Variants in ELK4 observed in about 807,000 individuals in gnomAD.
ELK4 encodes the protein ETS domain-containing protein Elk-4.
ELK4 carries 16 observed loss-of-function variants against 29.6 expected under a neutral mutation model. The ratio of observed to expected loss-of-function variants is 0.54; its 90% CI spans 0.37 to 0.82. The LOEUF (loss-of-function observed/expected upper bound fraction) is 0.82, where lower values mean the gene tolerates loss of function less well. Ranked by LOEUF, ELK4 falls within the 40% of genes least tolerant of loss-of-function variation. The pLI is 0.00. For synonymous variants in ELK4, 213 were observed against 191.1 expected (o/e 1.11, Z -0.95); for missense variants, 465 against 507.1 (o/e 0.92, Z 0.80).
chr1:205,620,381 A>C lies in ELK4; in HGVS notation c.665T>G (p.Ile222Ser). 6.2e-7 allele frequency: 1 copy of C among 1,614,168 alleles called. No individual in the cohort carries two copies. The highest frequency in any genetic ancestry group is 8.5e-7 in the Non-Finnish European group (1 of 1,180,038). The change falls in exon 3 of 5, where the codon ATC becomes AGC. Residue 222 changes from isoleucine to serine, a missense_variant. Ile to Ser is a moderately radical substitution (Grantham distance 142). Coordinates refer to ENST00000357992, the MANE Select transcript of ELK4 (RefSeq NM_001973.4). Reference sequence around the variant, plus strand: ...GGAAACCAATGTCTCCAAAGCTTGGATAGTTTCTTCTGAAGATGGAGAAAT... The same window carrying C: ...GGAAACCAATGTCTCCAAAGCTTGGCTAGTTTCTTCTGAAGATGGAGAAAT... ...PSISPSSEET[I>S]QALETLVSPK...
At position 205,614,675 on chromosome 1, in the gene ELK4, T is replaced by C. The variant is rs1670203477; in HGVS notation, c.*1871A>G. 4.5e-6 allele frequency: 1 copy of C among 224,496 alleles called. No homozygotes were observed. The allele number at this position is 224,496 out of a possible 1,614,324, so 13.9% of individuals were successfully genotyped here. ...GTTAGCTAGCATAGATGTCTTCTTA[T>C]ACAAGAGCTTCTCTACACTGTATAT... On this transcript the variant is annotated 3_prime_UTR_variant, in exon 5 of 5. Transcript: ENST00000357992.
At chr1:205,621,193 T>TAAAAAAA (rs61338827) in intron 2 of ELK4, among the ~76,000 whole-genome samples, 16 of 77,450 alleles carry the variant, frequency 2.1e-4, no homozygotes, top group African/African-American at 5.9e-4. Flanking sequence ...GAGTCTGTCT[T>TAAAAAAA]AAAAAAAAAA....
rs967577107 is a variant in ELK4 at position 205,624,267 on chromosome 1, T to C, written c.-9-376A>G. ...ATTGTCAATCACTAGTGACTGTCAA[T>C]CACTGTTGTTAAATTTGAATCCTAA... On this transcript the variant is annotated intron_variant, in intron 1 of 4. Transcript: ENST00000357992. 1.6e-4 allele frequency among the ~76,000 whole-genome samples: 25 copies of C among 152,358 alleles called. No individual in the cohort carries two copies. The East Asian group carries it at 4.8e-3, about 29-fold the overall frequency.
rs1018883828 is a variant in ELK4 at position 205,609,040 on chromosome 1, C to T, written c.*7506G>A. ...ATTTTTAAGTGATGTTCATACTTGA[C>T]GGTTCAGAAACTGCCACTGCCACTG... On this transcript the variant is annotated 3_prime_UTR_variant, in exon 5 of 5. Coordinates refer to ENST00000357992, the MANE Select transcript of ELK4 (RefSeq NM_001973.4). 69 of 188,088 alleles carry T rather than the reference C, an allele frequency of 3.7e-4. No individual in the cohort carries two copies. Among genetic ancestry groups the T allele is most frequent in the African/African-American group, 1.5e-3 (66 of 42,948 alleles). The allele number at this position is 188,088 out of a possible 1,614,324, so 11.7% of individuals were successfully genotyped here.
rs1318638451 is a variant in ELK4 at position 205,616,526 on chromosome 1, T to C, written c.*20A>G. 6.2e-7 allele frequency: 1 copy of C among 1,605,078 alleles called. No individual in the cohort carries two copies. Among genetic ancestry groups the C allele is most frequent in the African/African-American group, 1.3e-5 (1 of 74,758 alleles). ...TCTGTTTCTTCGTTCCTCGGTTCTCTCATTCCACAAGTGCATAGGTTATGT... is the reference window on the plus strand; with the variant it reads ...TCTGTTTCTTCGTTCCTCGGTTCTCCCATTCCACAAGTGCATAGGTTATGT... On this transcript the variant is annotated 3_prime_UTR_variant, in exon 5 of 5. Transcript: ENST00000357992.
At position 205,608,234 on chromosome 1, in the gene ELK4, G is replaced by A. The variant is rs761218075; in HGVS notation, c.*8312C>T. On this transcript the variant is annotated 3_prime_UTR_variant, in exon 5 of 5. Transcript: ENST00000357992. ...GAAAAAATGATCACCTGATTGGTCAGAGCAACCCCTTACTATGTCTGGAGA... is the reference window on the plus strand; with the variant it reads ...GAAAAAATGATCACCTGATTGGTCAAAGCAACCCCTTACTATGTCTGGAGA... The A allele has an allele frequency of 5.4e-6, 1 of 184,134 alleles. No individual in the cohort carries two copies. Among genetic ancestry groups the A allele is most frequent in the Non-Finnish European group, 1.1e-5 (1 of 87,448 alleles). 11.4% of individuals were successfully genotyped at this position (184,134 alleles called of 1,614,324 possible).
In ELK4 at chr1:205,613,351, A is replaced by G. The variant is rs1422204685; in HGVS notation, c.*3195T>C. ...ACTGAAAGATCTCATTTCTAAAAAA[A>G]GAAAAAGAAAAAGATCACTGAAGTC... On this transcript the variant is annotated 3_prime_UTR_variant, in exon 5 of 5. Coordinates refer to ENST00000357992, the MANE Select transcript of ELK4 (RefSeq NM_001973.4). 1 of 185,834 alleles carries G rather than the reference A, an allele frequency of 5.4e-6. No individual in the cohort carries two copies. The highest frequency in any genetic ancestry group is 6.2e-5 in the Admixed American group (1 of 16,070). The allele number at this position is 185,834 out of a possible 1,614,324, so 11.5% of individuals were successfully genotyped here.
rs552978697 is a variant in ELK4, at chr1:205,620,953, T to C, written c.208-115A>G. The C allele has an allele frequency of 1.3e-5, 16 of 1,198,966 alleles. No homozygotes were observed. In the East Asian group the frequency reaches 1.8e-4, roughly 13 times the overall value. 74.3% of individuals were successfully genotyped at this position (1,198,966 alleles called of 1,614,324 possible). On this transcript the variant is annotated intron_variant, in intron 2 of 4. Transcript: ENST00000357992. ...GGCTCATGCCTGTAATCCCAGCACTTTGGAAGGCCGAGGAGGGCGGATCAC... is the reference window on the plus strand; with the variant it reads ...GGCTCATGCCTGTAATCCCAGCACTCTGGAAGGCCGAGGAGGGCGGATCAC...
In ELK4 at chr1:205,616,505, T is replaced by C. The variant is rs771538261; in HGVS notation, c.*41A>G. On this transcript the variant is annotated 3_prime_UTR_variant, in exon 5 of 5. Transcript: ENST00000357992. ...CAAATGCAATCATGTTGAATGTCTGTTTCTTCGTTCCTCGGTTCTCTCATT... is the reference window on the plus strand; with the variant it reads ...CAAATGCAATCATGTTGAATGTCTGCTTCTTCGTTCCTCGGTTCTCTCATT... 1.3e-6 allele frequency: 2 copies of C among 1,550,586 alleles called. No homozygotes were observed. Among genetic ancestry groups the C allele is most frequent in the East Asian group, 4.5e-5 (2 of 44,248 alleles).
chr1:205,608,922 G>A lies in ELK4; in HGVS notation c.*7624C>T, dbSNP rs775414535. On this transcript the variant is annotated 3_prime_UTR_variant, in exon 5 of 5. Transcript: ENST00000357992. ...CTCCTGTGTTAACACTGATGGAGAC[G>A]CACTGCAATAGTCCCATGGCAGACA... 4 of 192,094 alleles carry A rather than the reference G, an allele frequency of 2.1e-5. No homozygotes were observed. Among genetic ancestry groups the A allele is most frequent in the Admixed American group, 1.2e-4 (2 of 16,328 alleles). The allele number at this position is 192,094 out of a possible 1,614,324, so 11.9% of individuals were successfully genotyped here.
chr1:205,629,447 C>A (rs969739463), intron 1 of ELK4, among the ~76,000 whole-genome samples: 1 of 152,094 alleles, frequency 6.6e-6, no homozygotes, highest in South Asian at 2.1e-4. Flanking sequence ...GAGAGCTGGC[C>A]GGGCACAGTG....
At chr1:205,626,608 A>T (rs1571506241) in intron 1 of ELK4, among the ~76,000 whole-genome samples, 1 of 152,208 alleles carries the variant, frequency 6.6e-6, no homozygotes, top group East Asian at 1.9e-4. Flanking sequence ...TTATTAGGGA[A>T]CTAAAAATCA....
rs1443894545 is a variant in ELK4 at position 205,612,322 on chromosome 1, C to T, written c.*4224G>A. The T allele has an allele frequency of 9.5e-6, 2 of 211,442 alleles. No homozygotes were observed. The highest frequency in any genetic ancestry group is 1.9e-5 in the Non-Finnish European group (2 of 104,412). 13.1% of individuals were successfully genotyped at this position (211,442 alleles called of 1,614,324 possible). A position where few individuals can be genotyped will look rare whatever the true frequency, so the allele number is the denominator to read the frequency against. ...CTGAGTCAGCAGTCTTTAGGAAAAGCGTGTGCTTCTGGAGGGTGCACAAGA... is the reference window on the plus strand; with the variant it reads ...CTGAGTCAGCAGTCTTTAGGAAAAGTGTGTGCTTCTGGAGGGTGCACAAGA... On this transcript the variant is annotated 3_prime_UTR_variant, in exon 5 of 5. Coordinates refer to ENST00000357992, the MANE Select transcript of ELK4 (RefSeq NM_001973.4).
At chr1:205,625,838 C>T (rs905446205) in intron 1 of ELK4, 17 of 608,344 alleles carry the variant, frequency 2.8e-5, no homozygotes, top group Non-Finnish European at 4.2e-5. Context: ...GCCACCACGC[C>T]CAGCTAATTT....
In ELK4 at chr1:205,625,383, T is replaced by C. The variant is rs1670432828; in HGVS notation, c.-9-1492A>G. 5 of 467,446 alleles carry C rather than the reference T, an allele frequency of 1.1e-5. No homozygotes were observed. The East Asian group carries it at 1.8e-4, about 17-fold the overall frequency. 29.0% of individuals were successfully genotyped at this position (467,446 alleles called of 1,614,324 possible). A position where few individuals can be genotyped will look rare whatever the true frequency, so the allele number is the denominator to read the frequency against. ...AAACACACGAAAAAATGCTCTACAT[T>C]GGCTGAATCTGCCTACTTGTCGCCA... is the stretch of plus-strand genomic sequence containing the variant. On this transcript the variant is annotated intron_variant, in intron 1 of 4. Coordinates refer to ENST00000357992, the MANE Select transcript of ELK4 (RefSeq NM_001973.4).
At chr1:205,617,057 T>C (rs1670242781) in intron 4 of ELK4, among the ~76,000 whole-genome samples, 1 of 152,204 alleles carries the variant, frequency 6.6e-6, no homozygotes, top group Admixed American at 6.5e-5. Flanking sequence ...ATAGCACTCA[T>C]CCTAGAAAAG....
Position 205,616,076 on chromosome 1 carries a change from A to G in ELK4, c.*470T>C, listed in dbSNP as rs1161352919. The G allele has an allele frequency of 4.3e-6, 1 of 230,874 alleles. No homozygotes were observed. The highest frequency in any genetic ancestry group is 8.6e-6 in the Non-Finnish European group (1 of 115,732). The allele number at this position is 230,874 out of a possible 1,614,324, so 14.3% of individuals were successfully genotyped here. ...AGGAACAGCTCACTTTAAGTCATTCAACAGAGCACACTTAGTCCTAAAGAT... is the reference window on the plus strand; with the variant it reads ...AGGAACAGCTCACTTTAAGTCATTCGACAGAGCACACTTAGTCCTAAAGAT... On this transcript the variant is annotated 3_prime_UTR_variant, in exon 5 of 5. Transcript: ENST00000357992.
Position 205,615,251 on chromosome 1 carries a change from C to T in ELK4, c.*1295G>A, listed in dbSNP as rs552255260. 4.7e-3 allele frequency: 771 copies of T among 164,988 alleles called. 6 individuals are homozygous for T. The highest frequency in any genetic ancestry group is 6.5e-3 in the Non-Finnish European group (493 of 75,320). The allele number at this position is 164,988 out of a possible 1,614,324, so 10.2% of individuals were successfully genotyped here. A position where few individuals can be genotyped will look rare whatever the true frequency, so the allele number is the denominator to read the frequency against. On this transcript the variant is annotated 3_prime_UTR_variant, in exon 5 of 5. Transcript: ENST00000357992. ...ACTAAAAATACAAAAATTAGCCAGG[C>T]GTAGTGGCGCATGCCTGTAGTCCCA...
At chr1:205,627,249 C>A (rs1410635736) in intron 1 of ELK4, among the ~76,000 whole-genome samples, 1 of 152,150 alleles carries the variant, frequency 6.6e-6, no homozygotes, top group African/African-American at 2.4e-5. Context: ...GTGGCTCACG[C>A]CTGTAATCCC....
Sources: allele counts gnomAD v4.1 joint callset (sites outside exome capture counted in the v4.1 genomes callset), GRCh38; gene constraint gnomAD v4.1.1; transcripts MANE v1.5; gene names NCBI Gene and HGNC (gene_info 2026-07-23, HGNC 2026-07-21).